Variants in PRKN observed in about 807,000 individuals in gnomAD.
The protein encoded by PRKN is parkin RBR E3 ubiquitin protein ligase, also known as E3 ubiquitin-protein ligase parkin.
Under a neutral mutation model 59.5 loss-of-function variants are expected in PRKN, and 56 were observed. That is an observed-to-expected ratio of 0.94 (90% CI 0.76 to 1.18). The LOEUF is 1.18. Ranked by LOEUF, PRKN falls within the 50% of genes most tolerant of loss-of-function variation. The probability of loss-of-function intolerance (pLI) is 0.00; values close to 1 mark genes in which losing one functional copy is unlikely to be tolerated. For missense variants in PRKN, 657 were observed against 596.4 expected, an observed-to-expected ratio of 1.10 and a Z score of -1.06; for synonymous variants, 250 against 222.1, an observed-to-expected ratio of 1.13 and a Z score of -1.12.
At chr6:161,659,245 T>C (rs1199915857) in intron 7 of PRKN, among the ~76,000 whole-genome samples, 2 of 152,212 alleles carry the variant, frequency 1.3e-5, no homozygotes, top group African/African-American at 4.8e-5. Flanking sequence ...CCTGGGCACA[T>C]AGAGCATATA....
At chr6:161,600,330 G>T (rs1228466431) in intron 7 of PRKN, among the ~76,000 whole-genome samples, 5 of 152,040 alleles carry the variant, frequency 3.3e-5, no homozygotes. Context: ...TCATTCATCT[G>T]GGTGGACTTC....
intron 1 of PRKN, among the ~76,000 whole-genome samples, chr6:162,510,422 G>A (rs1043824037): frequency 6.6e-6 from 1 of 152,074 alleles, no homozygotes; most frequent in Non-Finnish European, 1.5e-5. Context: ...AGGTAAGTCT[G>A]GCCACGATCA....
At chr6:162,193,583 G>T (rs1213802603) in intron 4 of PRKN, among the ~76,000 whole-genome samples, 1 of 152,140 alleles carries the variant, frequency 6.6e-6, no homozygotes, top group African/African-American at 2.4e-5. Flanking sequence ...CAAATGATCT[G>T]ATGTTTTCCT....
intron 6 of PRKN, among the ~76,000 whole-genome samples, chr6:161,840,095 A>G (rs892608915): frequency 3.0e-4 from 46 of 152,248 alleles, no homozygotes; most frequent in African/African-American, 1.1e-3. Flanking sequence ...GGAACAAACA[A>G]GGGTTCAACC....
At chr6:162,700,501 T>C (rs1396749239) in intron 1 of PRKN, among the ~76,000 whole-genome samples, 1 of 152,136 alleles carries the variant, frequency 6.6e-6, no homozygotes, top group African/African-American at 2.4e-5. Flanking sequence ...ACTTCTTAGT[T>C]GGCCTTCAGC....
chr6:161,812,362 T>G (rs1224429880), intron 6 of PRKN, among the ~76,000 whole-genome samples: 3 of 152,136 alleles, frequency 2.0e-5, no homozygotes, highest in Non-Finnish European at 4.4e-5. Flanking sequence ...GTACTCCAGC[T>G]TGGGCAACAG....
intron 6 of PRKN, among the ~76,000 whole-genome samples, chr6:161,923,639 A>G (rs1778861524): frequency 6.6e-6 from 1 of 152,178 alleles, no homozygotes; most frequent in African/African-American, 2.4e-5. Context: ...TAACATAGTT[A>G]TTACTATATG....
At chr6:162,683,745 G>A (rs545362166) in intron 1 of PRKN, among the ~76,000 whole-genome samples, 3 of 152,044 alleles carry the variant, frequency 2.0e-5, no homozygotes, top group African/African-American at 7.2e-5. Context: ...TATAATAATC[G>A]GTTGTCTTGA....
intron 5 of PRKN, among the ~76,000 whole-genome samples, chr6:162,011,706 A>T (rs568382097): frequency 1.2e-4 from 18 of 150,304 alleles, no homozygotes; most frequent in Non-Finnish European, 2.5e-4. Flanking sequence ...TGTATTTCAG[A>T]GGGTCACTCT....
At chr6:162,705,181 C>G (rs1282595441) in intron 1 of PRKN, among the ~76,000 whole-genome samples, 2 of 152,152 alleles carry the variant, frequency 1.3e-5, no homozygotes. Context: ...GTCAGACAGA[C>G]ACAAATTGGT....
Position 161,354,745 on chromosome 6 carries a change from G to A in PRKN, c.1286-4534C>T, listed in dbSNP as rs148585568. 5.5e-4 allele frequency among the ~76,000 whole-genome samples: 83 copies of A among 152,222 alleles called. No individual in the cohort carries two copies. The highest frequency in any genetic ancestry group is 1.9e-3 in the African/African-American group (78 of 41,518). On this transcript the variant is annotated intron_variant, in intron 11 of 11. Transcript: ENST00000366898. This position sits in a 1 kb window ranked among gnomAD's most constrained non-coding sequence, Gnocchi z 6.7. ...TGGTCATAGAGGCTATGTCGGTTTC[G>A]GTTACAGTGATGCACTTTTAAACAG...
At chr6:161,714,561 G>A (rs1393040457) in intron 7 of PRKN, among the ~76,000 whole-genome samples, 2 of 152,168 alleles carry the variant, frequency 1.3e-5, no homozygotes, top group Non-Finnish European at 2.9e-5. Flanking sequence ...CTTTATAAAT[G>A]ACCCAGTCTG....
At chr6:161,382,111 C>CAAAAAAAAAAAAAAAAAAAAA (rs59174358) in intron 10 of PRKN, among the ~76,000 whole-genome samples, 1 of 46,284 alleles carries the variant, frequency 2.2e-5, no homozygotes, top group African/African-American at 6.8e-5. Flanking sequence ...GACTCCATCT[C>CAAAAAAAAAAAAAAAAAAAAA]AAAAAAAAAA....
intron 6 of PRKN, among the ~76,000 whole-genome samples, chr6:161,882,711 T>C (rs956911838): frequency 3.3e-5 from 5 of 152,098 alleles, no homozygotes; most frequent in South Asian, 2.1e-4. Context: ...TGAATTAAGA[T>C]ACAACTCCAC....
rs568790181 is a variant in PRKN, at chr6:161,527,326, C to A, written c.1083+21528G>T. Among the ~76,000 whole-genome samples the A allele has an allele frequency of 1.3e-5, 2 of 152,154 alleles. No homozygotes were observed. The highest frequency in any genetic ancestry group is 2.4e-5 in the African/African-American group (1 of 41,434). On this transcript the variant is annotated intron_variant, in intron 9 of 11. Transcript: ENST00000366898. This position sits in a 1 kb window ranked among gnomAD's most constrained non-coding sequence, Gnocchi z 4.6. Reference sequence around the variant, plus strand: ...ATATTTTGGGGTGAAGTGTCTTGAGCCCCAACGGCATCAAGTATGAACTTG... The same window carrying A: ...ATATTTTGGGGTGAAGTGTCTTGAGACCCAACGGCATCAAGTATGAACTTG...
chr6:162,447,792 C>T (rs927559418), intron 1 of PRKN, among the ~76,000 whole-genome samples: 5 of 152,094 alleles, frequency 3.3e-5, no homozygotes, highest in African/African-American at 1.2e-4. Context: ...CTGAGAAGAG[C>T]AATGTCATTC....
At chr6:162,314,520 A>G (rs1782664609) in intron 2 of PRKN, among the ~76,000 whole-genome samples, 1 of 152,096 alleles carries the variant, frequency 6.6e-6, no homozygotes, top group African/African-American at 2.4e-5. Flanking sequence ...CTAAGTAGCT[A>G]AAGACCGTGG....
intron 1 of PRKN, among the ~76,000 whole-genome samples, chr6:162,622,313 T>TTTTTTTG (rs1782708740): frequency 6.6e-6 from 1 of 151,080 alleles, no homozygotes; most frequent in Non-Finnish European, 1.5e-5. Context: ...GTTTTGTTTT[T>TTTTTTTG]TTTTGGTAGC....
At chr6:162,224,729 G>A (rs916013126) in intron 3 of PRKN, among the ~76,000 whole-genome samples, 6 of 152,076 alleles carry the variant, frequency 3.9e-5, no homozygotes, top group African/African-American at 9.7e-5. Flanking sequence ...TTCTGGGCAC[G>A]GACCCACCCT....
Sources: allele counts gnomAD v4.1 joint callset (sites outside exome capture counted in the v4.1 genomes callset), GRCh38; gene constraint gnomAD v4.1.1; non-coding constraint Gnocchi (gnomAD v3.1); transcripts MANE v1.5; gene names NCBI Gene and HGNC (gene_info 2026-07-23, HGNC 2026-07-21).